The following SNU13 variants were observed in gnomAD, a reference collection of about 807,000 sequenced individuals.
SNU13 encodes NHP2-like protein 1.
SNU13 carries 2 observed loss-of-function variants against 12.4 expected under a neutral mutation model. That is an observed-to-expected ratio of 0.16 (90% CI 0.07 to 0.51). The LOEUF (loss-of-function observed/expected upper bound fraction) is 0.51, where lower values mean the gene tolerates loss of function less well. Among genes scored for constraint, SNU13 ranks in the 20% least tolerant of loss-of-function variants. SNU13 has a pLI of 0.96. For synonymous variants in SNU13, 68 were observed against 66.5 expected, an observed-to-expected ratio of 1.02 and a Z score of -0.11; for missense variants, 66 against 157.8, an observed-to-expected ratio of 0.42 and a Z score of 3.12.
At chr22:41,676,238 C>G (rs187161672) in intron 2 of SNU13, among the ~76,000 whole-genome samples, 1 of 152,116 alleles carries the variant, frequency 6.6e-6, no homozygotes, top group Non-Finnish European at 1.5e-5. Flanking sequence ...ATCCCACATG[C>G]GACTCACCAT....
chr22:41,678,333 T>C (rs1350565212), intron 2 of SNU13, among the ~76,000 whole-genome samples: 1 of 152,172 alleles, frequency 6.6e-6, no homozygotes, highest in Admixed American at 6.6e-5. Context: ...CTGGAATGTA[T>C]ACTCCAAGAA....
chr22:41,675,428 C>CTT (rs879315245), intron 2 of SNU13, among the ~76,000 whole-genome samples: 1 of 146,654 alleles, frequency 6.8e-6, no homozygotes, highest in Admixed American at 6.8e-5. Context: ...TCTTCTTCTT[C>CTT]TTTTTTTTTT....
At chr22:41,683,011 CTTTTT>C (rs767274492) in intron 1 of SNU13, among the ~76,000 whole-genome samples, 114 of 151,934 alleles carry the variant, frequency 7.5e-4, no homozygotes, top group Admixed American at 8.5e-4. Context: ...TAAACATTTT[CTTTTT>C]TGAGACAGGG....
At chr22:41,679,903 C>T (rs528826368) in intron 2 of SNU13, 9 of 159,326 alleles carry the variant, frequency 5.6e-5, no homozygotes, top group Admixed American at 1.9e-4. Flanking sequence ...AAGTATCCAC[C>T]GTATAAGGGA....
rs17849981 is a variant in SNU13 at position 41,680,336 on chromosome 22, T to C, written c.32A>G (p.Tyr11Cys). The C allele has an allele frequency of 1.2e-6, 2 of 1,614,002 alleles. No individual in the cohort carries two copies. Among genetic ancestry groups the C allele is most frequent in the East Asian group, 2.2e-5 (1 of 44,870 alleles). The change falls in exon 2 of 3, where the codon TAT becomes TGT. Residue 11 changes from tyrosine to cysteine, a missense_variant. By Grantham distance (194) the Tyr-to-Cys change is radical. Transcript: ENST00000401959. ...GGTGAGGTGGGCATCGGCAAGGGGA[T>C]AGGCCTTTGGATTCACATCAGCCTC... MTEADVNPKA[Y>C]PLADAHLTKK...
chr22:41,686,818 GGT>G (rs1288833782), intron 1 of SNU13, among the ~76,000 whole-genome samples: 1 of 148,406 alleles, frequency 6.7e-6, no homozygotes, highest in Admixed American at 6.8e-5. Flanking sequence ...GTAGAGATGG[GGT>G]TTCACCATGT....
chr22:41,689,926 C>T (rs1310573283), upstream of SNU13, among the ~76,000 whole-genome samples: 2 of 149,984 alleles, frequency 1.3e-5, no homozygotes, highest in African/African-American at 4.9e-5. Context: ...TGCAGTGAGC[C>T]GAGATCGCGC....
Position 41,677,017 on chromosome 22 carries a change from C to T in SNU13, c.125-1822G>A, listed in dbSNP as rs916710741. Among the ~76,000 whole-genome samples, 14 of 152,218 alleles carry T rather than the reference C, an allele frequency of 9.2e-5. No individual in the cohort carries two copies. The East Asian group carries it at 1.7e-3, about 19-fold the overall frequency. ...TGAACATCTTTCATTAAAACATCAC[C>T]GTCTAGTTTGAGAATACTTTTAAGC... On this transcript the variant is annotated intron_variant, in intron 2 of 2. Transcript: ENST00000401959.
At chr22:41,688,908 G>A (rs1198822587), upstream of SNU13, 8 of 1,466,364 alleles carry the variant, frequency 5.5e-6, no homozygotes, top group Middle Eastern at 6.4e-4. Flanking sequence ...GCCCCGCGCG[G>A]CAGGAAGCGA....
At chr22:41,684,513 A>G (rs909214871) in intron 1 of SNU13, among the ~76,000 whole-genome samples, 1 of 151,776 alleles carries the variant, frequency 6.6e-6, no homozygotes, top group African/African-American at 2.4e-5. Context: ...TGGTATTTTC[A>G]TTATTGTTCT....
intron 1 of SNU13, among the ~76,000 whole-genome samples, chr22:41,684,394 T>TA (rs1387357138): frequency 1.3e-5 from 2 of 152,196 alleles, no homozygotes; most frequent in Non-Finnish European, 2.9e-5. Context: ...TCTACCTTTT[T>TA]ATCCCGTTTC....
intron 2 of SNU13, 94 bp from the exon 3 acceptor site, chr22:41,675,289 T>A: frequency 6.7e-7 from 1 of 1,487,246 alleles, no homozygotes; most frequent in Non-Finnish European, 9.1e-7. Context: ...CACACAATTA[T>A]GTGTCCTAGA....
Position 41,680,331 on chromosome 22 carries a change from G to C in SNU13, c.37C>G (p.Leu13Val). 1.2e-6 allele frequency: 2 copies of C among 1,614,056 alleles called. No individual in the cohort carries two copies. Among genetic ancestry groups the C allele is most frequent in the Non-Finnish European group, 1.7e-6 (2 of 1,179,952 alleles). Reference sequence around the variant, plus strand: ...TTCTTGGTGAGGTGGGCATCGGCAAGGGGATAGGCCTTTGGATTCACATCA... The same window carrying C: ...TTCTTGGTGAGGTGGGCATCGGCAACGGGATAGGCCTTTGGATTCACATCA... ...EADVNPKAYP[L>V]ADAHLTKKLL... Residue 13 changes from leucine (L) to valine (V), a missense_variant, in exon 2 of 3, where the codon CTT becomes GTT. By Grantham distance (32) the Leu-to-Val change is conservative. Transcript: ENST00000401959.
chr22:41,674,893 G>T lies in SNU13; in HGVS notation c.*40C>A, dbSNP rs752590025. The T allele has an allele frequency of 8.1e-6, 13 of 1,601,422 alleles. No individual in the cohort carries two copies. The highest frequency in any genetic ancestry group is 1.1e-5 in the Non-Finnish European group (13 of 1,171,584). On this transcript the variant is annotated 3_prime_UTR_variant, in exon 3 of 3. Coordinates refer to ENST00000401959, the MANE Select transcript of SNU13 (RefSeq NM_001003796.2). ...CAGATAATATGATACACAACCTCAG[G>T]GGGGAAGCTGGCAGGGAGCACGTGG... is the stretch of plus-strand genomic sequence containing the variant.
upstream of SNU13, chr22:41,688,962 C>G: frequency 7.4e-7 from 1 of 1,357,338 alleles, no homozygotes; most frequent in Non-Finnish European, 9.6e-7. Context: ...TCTACGGGGG[C>G]ACTGGCGCGG....
chr22:41,674,182 C>CAT lies in SNU13; in HGVS notation c.*749_*750dup, dbSNP rs1200407545. 1 of 152,558 alleles carries CAT rather than the reference C, an allele frequency of 6.6e-6. No individual in the cohort carries two copies. Among genetic ancestry groups the CAT allele is most frequent in the Non-Finnish European group, 1.5e-5 (1 of 68,102 alleles). The allele number at this position is 152,558 out of a possible 1,614,324, so 9.5% of individuals were successfully genotyped here. On this transcript the variant is annotated 3_prime_UTR_variant, in exon 3 of 3. Transcript: ENST00000401959. ...TCTCCATGATCTTCCTGGAATCCTT[C>CAT]ATGCCAGCATCAGTTCATGCTCTCT... is the stretch of plus-strand genomic sequence containing the variant.
intron 1 of SNU13, among the ~76,000 whole-genome samples, chr22:41,685,102 T>C (rs910692241): frequency 3.4e-5 from 5 of 147,974 alleles, no homozygotes; most frequent in African/African-American, 1.3e-4. Flanking sequence ...TTGCAGTAGG[T>C]TGAGATGATG....
At position 41,676,178 on chromosome 22, in the gene SNU13, T is replaced by C. The variant is rs1394643193; in HGVS notation, c.125-983A>G. Reference sequence around the variant, plus strand: ...TTCTCAAGGTATCTGTGACTGAGAGTCAGAGTTTTACCATCTCAATCTGCC... The same window carrying C: ...TTCTCAAGGTATCTGTGACTGAGAGCCAGAGTTTTACCATCTCAATCTGCC... On this transcript the variant is annotated intron_variant, in intron 2 of 2. Coordinates refer to ENST00000401959, the MANE Select transcript of SNU13 (RefSeq NM_001003796.2). 2.0e-5 allele frequency among the ~76,000 whole-genome samples: 3 copies of C among 152,128 alleles called. No homozygotes were observed. In the East Asian group the frequency reaches 5.8e-4, roughly 29 times the overall value.
At chr22:41,686,304 CTTT>C (rs747241334) in intron 1 of SNU13, among the ~76,000 whole-genome samples, 4 of 138,540 alleles carry the variant, frequency 2.9e-5, no homozygotes, top group Non-Finnish European at 4.7e-5. Flanking sequence ...ATTCTTTTAT[CTTT>C]TTTTTTTTTT....
Sources: allele counts gnomAD v4.1 joint callset (sites outside exome capture counted in the v4.1 genomes callset), GRCh38; gene constraint gnomAD v4.1.1; transcripts MANE v1.5; gene names NCBI Gene and HGNC (gene_info 2026-07-23, HGNC 2026-07-21).